The following BBS9 variants were observed in gnomAD, a reference collection of about 807,000 sequenced individuals.
The protein encoded by BBS9 is Bardet-Biedl syndrome 9, also known as protein PTHB1.
Under a neutral mutation model 117.7 loss-of-function variants are expected in BBS9, and 89 were observed. The ratio of observed to expected loss-of-function variants is 0.76; its 90% CI spans 0.64 to 0.90. The LOEUF (loss-of-function observed/expected upper bound fraction) is 0.90, where lower values mean the gene tolerates loss of function less well. BBS9 is among the 40% of genes least tolerant of loss of function. The probability of loss-of-function intolerance (pLI) is 0.00; values close to 1 mark genes in which losing one functional copy is unlikely to be tolerated. For synonymous variants in BBS9, 379 were observed against 370.9 expected, an observed-to-expected ratio of 1.02 and a Z score of -0.25; for missense variants, 982 against 1,042.2, an observed-to-expected ratio of 0.94 and a Z score of 0.80.
chr7:33,594,133 G>A (rs899332403), intron 21 of BBS9, among the ~76,000 whole-genome samples: 1 of 151,992 alleles, frequency 6.6e-6, no homozygotes, highest in African/African-American at 2.4e-5. Flanking sequence ...GCCTTTACGG[G>A]GGTTTTAAAA....
intron 20 of BBS9, among the ~76,000 whole-genome samples, chr7:33,510,481 A>T (rs921331753): frequency 1.3e-5 from 2 of 152,066 alleles, no homozygotes; most frequent in African/African-American, 4.8e-5. Context: ...ATGGCCTGAT[A>T]GGACAAATCT....
intron 19 of BBS9, among the ~76,000 whole-genome samples, chr7:33,406,657 TTGTC>T (rs1830055268): frequency 6.6e-6 from 1 of 152,172 alleles, no homozygotes; most frequent in Non-Finnish European, 1.5e-5. Context: ...CAGCATTTGT[TTGTC>T]TGTAAAGTAT....
chr7:33,463,125 G>A (rs1057392984), intron 19 of BBS9, among the ~76,000 whole-genome samples: 3 of 152,072 alleles, frequency 2.0e-5, no homozygotes, highest in Admixed American at 2.0e-4. Context: ...TTTAAAGGGA[G>A]TGGTATTCCC....
intron 5 of BBS9, among the ~76,000 whole-genome samples, chr7:33,215,620 T>C (rs1256420610): frequency 1.3e-5 from 2 of 151,912 alleles, no homozygotes; most frequent in Admixed American, 6.6e-5. Context: ...CACACACACA[T>C]AGACACACAC....
chr7:33,277,241 A>T (rs1432422864), intron 9 of BBS9: 1 of 153,430 alleles, frequency 6.5e-6, no homozygotes, highest in Non-Finnish European at 1.5e-5. Context: ...ATTTCATTAG[A>T]GGGTCTTGCT....
intron 5 of BBS9, among the ~76,000 whole-genome samples, chr7:33,220,168 T>TGG (rs1032754452): frequency 2.0e-5 from 3 of 152,328 alleles, no homozygotes; most frequent in Non-Finnish European, 4.4e-5. Context: ...GCATTTTTCT[T>TGG]AGAGTCTTAT....
rs949226224 is a variant in BBS9, at chr7:33,429,174, A to G, written c.2115+41030A>G. Among the ~76,000 whole-genome samples the G allele has an allele frequency of 7.2e-5, 11 of 152,066 alleles. No homozygotes were observed. The South Asian group carries it at 2.3e-3, about 32-fold the overall frequency. On this transcript the variant is annotated intron_variant, in intron 19 of 22. Transcript: ENST00000242067. ...TGGAACACATTGGCATATGTGTAGC[A>G]GTTTTCTTTTTCAAAAAAGGCCACC...
Position 33,383,670 on chromosome 7 carries a change from A to T in BBS9, c.1794A>T (p.Arg598=), listed in dbSNP as rs769695448. 4.4e-6 allele frequency: 7 copies of T among 1,604,902 alleles called. No homozygotes were observed. Among genetic ancestry groups the T allele is most frequent in the South Asian group, 2.2e-5 (2 of 89,912 alleles). Residue 598 remains arginine (R), a synonymous_variant, in exon 18 of 23, where the codon CGA becomes CGT. Transcript: ENST00000242067. The stretch of plus-strand genomic sequence containing the variant: ...TCCTTAATTTTTTTCTCTCAGAACG[A>T]TATCGCATTCAGAGTGAACAATTTG... ...ITVLASKTSQ[R]YRIQSEQFED... is the part of the protein sequence containing the mutation.
At chr7:33,292,887 T>A (rs1804360107) in intron 9 of BBS9, among the ~76,000 whole-genome samples, 1 of 151,636 alleles carries the variant, frequency 6.6e-6, no homozygotes, top group Non-Finnish European at 1.5e-5. Context: ...GTGCCTGTAA[T>A]CCCAGGTGCT....
intron 9 of BBS9, among the ~76,000 whole-genome samples, chr7:33,334,202 C>G (rs1814788066): frequency 6.6e-6 from 1 of 152,154 alleles, no homozygotes; most frequent in Non-Finnish European, 1.5e-5. Flanking sequence ...CATTTGCTAT[C>G]TAAATTGATG....
At chr7:33,419,824 A>G (rs945689897) in intron 19 of BBS9, among the ~76,000 whole-genome samples, 2 of 152,236 alleles carry the variant, frequency 1.3e-5, no homozygotes, top group African/African-American at 4.8e-5. Flanking sequence ...TGTCTGGCAT[A>G]CAAAGCCCTT....
chr7:33,427,527 G>A (rs946601382), intron 19 of BBS9, among the ~76,000 whole-genome samples: 7 of 152,122 alleles, frequency 4.6e-5, no homozygotes, highest in South Asian at 2.1e-4. Flanking sequence ...TATCAATTAT[G>A]TTTTGCTACT....
At chr7:33,339,828 CATG>C (rs1440387999) in intron 10 of BBS9, among the ~76,000 whole-genome samples, 2 of 152,148 alleles carry the variant, frequency 1.3e-5, no homozygotes, top group East Asian at 3.9e-4. Context: ...GGAAGGAAAT[CATG>C]ATGATTGGAT....
chr7:33,394,058 A>G (rs1323539910), intron 19 of BBS9, among the ~76,000 whole-genome samples: 1 of 152,192 alleles, frequency 6.6e-6, no homozygotes. Flanking sequence ...AAGCACCCTT[A>G]TGGAGGCCAA....
rs115814898 is a variant in BBS9, at chr7:33,423,058, T to C, written c.2115+34914T>C. 1.4e-4 allele frequency among the ~76,000 whole-genome samples: 22 copies of C among 152,310 alleles called. 1 individual carries two copies. The highest frequency in any genetic ancestry group is 4.8e-4 in the African/African-American group (20 of 41,574). On this transcript the variant is annotated intron_variant, in intron 19 of 22. Transcript: ENST00000242067. ...CCGCTTTCCAAACAGGCCAGGACAG[T>C]GATCATGAGTGCCAGGGATCGGAAC...
intron 1 of BBS9, among the ~76,000 whole-genome samples, chr7:33,145,472 G>A (rs1792191048): frequency 1.3e-5 from 2 of 152,190 alleles, no homozygotes; most frequent in South Asian, 4.2e-4. Context: ...GGTATAAATG[G>A]TCCTGCAGCC....
At chr7:33,210,905 C>T (rs935221209) in intron 5 of BBS9, among the ~76,000 whole-genome samples, 6 of 152,150 alleles carry the variant, frequency 3.9e-5, no homozygotes, top group African/African-American at 1.4e-4. Context: ...GGATTGACTC[C>T]TGTATCATTG....
intron 5 of BBS9, among the ~76,000 whole-genome samples, chr7:33,200,340 G>A (rs946639892): frequency 1.3e-5 from 2 of 151,868 alleles, no homozygotes; most frequent in South Asian, 2.1e-4. Flanking sequence ...ACCTCTATCC[G>A]CTCTACCTTT....
At chr7:33,549,036 G>C (rs1853908857) in intron 21 of BBS9, among the ~76,000 whole-genome samples, 1 of 150,342 alleles carries the variant, frequency 6.7e-6, no homozygotes, top group African/African-American at 2.5e-5. Flanking sequence ...ATACTACAAG[G>C]CTACAGTAAC....
Sources: allele counts gnomAD v4.1 joint callset (sites outside exome capture counted in the v4.1 genomes callset), GRCh38; gene constraint gnomAD v4.1.1; transcripts MANE v1.5; gene names NCBI Gene and HGNC (gene_info 2026-07-23, HGNC 2026-07-21).